The following NOTCH3 variants were observed in gnomAD, a reference collection of about 807,000 sequenced individuals.
NOTCH3 encodes notch receptor 3, also known as neurogenic locus notch homolog protein 3.
A neutral mutation model predicts 213.3 loss-of-function variants in NOTCH3; 86 were observed. That is an observed-to-expected ratio of 0.40 (90% confidence interval 0.34 to 0.48). NOTCH3 has a LOEUF of 0.48. Among genes scored for constraint, NOTCH3 ranks in the 20% least tolerant of loss-of-function variants. The pLI, the probability that NOTCH3 is intolerant of heterozygous loss-of-function variation, is 0.57. For missense variants in NOTCH3, 2,783 were observed against 3,272.6 expected (o/e 0.85, Z 3.65); for synonymous variants, 1,354 against 1,355.9 (o/e 1.00, Z 0.03).
In NOTCH3 at chr19:15,180,995, G is replaced by C. The variant is rs752995216; in HGVS notation, c.2960C>G (p.Thr987Ser). 4.3e-5 allele frequency: 69 copies of C among 1,597,996 alleles called. No individual in the cohort carries two copies. The Middle Eastern group carries it at 1.5e-3, about 34-fold the overall frequency. ...CSAAHPGFRC[T>S]CLESFTGPQC... Reference sequence around the variant, plus strand: ...CGGGCCCGTGAAGCTCTCGAGGCAGGTGCAGCGGAAGCCAGGGTGGGCGGC... The same window carrying C: ...CGGGCCCGTGAAGCTCTCGAGGCAGCTGCAGCGGAAGCCAGGGTGGGCGGC... Residue 987 changes from threonine to serine, a missense_variant, in exon 18 of 33, where the codon ACC (threonine) becomes AGC (serine). Thr to Ser is a moderately conservative substitution (Grantham distance 58, BLOSUM62 1). Around this residue, in one of 6 missense-constraint regions of NOTCH3, gnomAD observed 861 missense variants for 909.1 expected, o/e 0.95. Coordinates refer to ENST00000263388, the MANE Select transcript of NOTCH3 (RefSeq NM_000435.3).
intron 19 of NOTCH3, 82 bp from the exon 20 acceptor site, chr19:15,180,338 C>T: frequency 6.8e-7 from 1 of 1,472,350 alleles, no homozygotes; most frequent in Non-Finnish European, 9.4e-7. Context: ...CATTCAACAT[C>T]CTTGGTGGAA....
intron 23 of NOTCH3, 28 bp downstream of exon 23, chr19:15,178,795 T>G (rs369096153): frequency 1.3e-6 from 2 of 1,520,400 alleles, no homozygotes; most frequent in Non-Finnish European, 1.8e-6. Flanking sequence ...CCCCTACTCC[T>G]CCTCCAAAGG....
rs2046629975 is a variant in NOTCH3, at chr19:15,160,378, GGAGA to G, written c.*280_*283del. ...AGTGTAAGGAAATGAGAGGCCAGAA[GGAGA>G]GAGAAAGGAATGAGGGAAGAGAGAA... is the stretch of plus-strand genomic sequence containing the variant. On this transcript the variant is annotated 3_prime_UTR_variant, in exon 33 of 33. Transcript: ENST00000263388. 2.1e-6 allele frequency: 1 copy of G among 471,640 alleles called. No individual in the cohort carries two copies. Among genetic ancestry groups the G allele is most frequent in the Admixed American group, 3.7e-5 (1 of 27,074 alleles). The allele number at this position is 471,640 out of a possible 1,614,324, so 29.2% of individuals were successfully genotyped here.
At chr19:15,175,322 C>A (rs1223961777) in intron 24 of NOTCH3, among the ~76,000 whole-genome samples, 1 of 101,712 alleles carries the variant, frequency 9.8e-6, no homozygotes, top group East Asian at 3.0e-4. Context: ...AACCTGAGGT[C>A]AGGAGTTCTA....
rs915809885 is a variant in NOTCH3 at position 15,159,696 on chromosome 19, G to C, written c.*966C>G. 4.3e-6 allele frequency: 1 copy of C among 232,926 alleles called. No individual in the cohort carries two copies. Among genetic ancestry groups the C allele is most frequent in the East Asian group, 6.0e-5 (1 of 16,548 alleles). The allele number at this position is 232,926 out of a possible 1,614,324, so 14.4% of individuals were successfully genotyped here. A position where few individuals can be genotyped will look rare whatever the true frequency, so the allele number is the denominator to read the frequency against. ...TGGGGGGCTGTACAATGCAGGGCTTGGGAATTCAGCTACACAGGGATTTTG... is the reference window on the plus strand; with the variant it reads ...TGGGGGGCTGTACAATGCAGGGCTTCGGAATTCAGCTACACAGGGATTTTG... On this transcript the variant is annotated 3_prime_UTR_variant, in exon 33 of 33. Transcript: ENST00000263388.
chr19:15,160,473 TA>T lies in NOTCH3; in HGVS notation c.*188del. On this transcript the variant is annotated 3_prime_UTR_variant, in exon 33 of 33. Coordinates refer to ENST00000263388, the MANE Select transcript of NOTCH3 (RefSeq NM_000435.3). ...AGGGTGGGTGGTAGCCCCCACCCAT[TA>T]TAAATAAAGGAAGACTGAAGCCCTG... 2 of 631,086 alleles carry T rather than the reference TA, an allele frequency of 3.2e-6. No homozygotes were observed. Among genetic ancestry groups the T allele is most frequent in the South Asian group, 3.7e-5 (2 of 54,616 alleles). 39.1% of individuals were successfully genotyped at this position (631,086 alleles called of 1,614,324 possible).
chr19:15,171,083 G>C (rs1363911207), intron 25 of NOTCH3, among the ~76,000 whole-genome samples: 1 of 152,232 alleles, frequency 6.6e-6, no homozygotes, highest in Non-Finnish European at 1.5e-5. Flanking sequence ...CTGGAGTGCA[G>C]TGGTGCGATC....
intron 15 of NOTCH3, 50 bp from the exon 16 acceptor site, chr19:15,184,500 G>A (rs2046865580): frequency 1.9e-6 from 3 of 1,582,826 alleles, no homozygotes; most frequent in East Asian, 2.2e-5. Flanking sequence ...TACAGAGCAG[G>A]GTCTCAGGGA....
chr19:15,161,816 G>A, intron 32 of NOTCH3, 102 bp from the exon 33 acceptor site: 1 of 972,630 alleles, frequency 1.0e-6, no homozygotes, highest in Non-Finnish European at 1.5e-6. Context: ...TTGTACACTG[G>A]AGCTTGACAG....
intron 11 of NOTCH3, 49 bp downstream of exon 11, chr19:15,187,056 C>G (rs1414418558): frequency 9.3e-6 from 15 of 1,606,156 alleles, no homozygotes; most frequent in East Asian, 9.0e-5. Flanking sequence ...TTCCCAAACC[C>G]TCTGTGCCCC....
chr19:15,192,741 C>A (rs1249274502), intron 2 of NOTCH3, among the ~76,000 whole-genome samples: 1 of 152,136 alleles, frequency 6.6e-6, no homozygotes, highest in African/African-American at 2.4e-5. Flanking sequence ...ATGGTGTAAC[C>A]CCGTCTCTAC....
intron 15 of NOTCH3, 150 bp from the exon 16 acceptor site, chr19:15,184,600 G>A (rs1193475820): frequency 2.7e-6 from 2 of 751,078 alleles, no homozygotes; most frequent in Non-Finnish European, 4.4e-6. Context: ...TGCATATGCA[G>A]TTTCAGAATG....
Position 15,161,281 on chromosome 19 carries a change from GC to G in NOTCH3, c.6346del (p.Ala2116LeufsTer33). 6.5e-7 allele frequency: 1 copy of G among 1,538,928 alleles called. No homozygotes were observed. Among genetic ancestry groups the G allele is most frequent in the Non-Finnish European group, 8.7e-7 (1 of 1,145,182 alleles). On this transcript the variant is annotated frameshift_variant, in exon 33 of 33. Coordinates refer to ENST00000263388, the MANE Select transcript of NOTCH3 (RefSeq NM_000435.3). LOFTEE classifies it low-confidence loss of function (END_TRUNC). ...DSPRPFGGPP[A>X]SPGGFPLEGP... Reference sequence around the variant, plus strand: ...CTCAAGGGGGAAGCCACCAGGGGAAGCAGGGGGCCCACCGAAAGGCCGCGGG... The same window carrying G: ...CTCAAGGGGGAAGCCACCAGGGGAAGAGGGGGCCCACCGAAAGGCCGCGGG...
In NOTCH3 at chr19:15,161,580, C is replaced by T. The variant is rs746283851; in HGVS notation, c.6048G>A (p.Leu2016=). 4 of 1,611,184 alleles carry T rather than the reference C, an allele frequency of 2.5e-6. No individual in the cohort carries two copies. Among genetic ancestry groups the T allele is most frequent in the South Asian group, 2.2e-5 (2 of 90,406 alleles). ...RLPRDVAQER[L]HQDIVRLLDQ... is the part of the protein sequence containing the mutation. ...CCAGCAAGCGCACGATGTCCTGGTG[C>T]AGTCTCTCCTGGGCTACGTCCCGCG... The change falls in exon 33 of 33, where the codon CTG becomes CTA. Residue 2016 remains leucine, a synonymous_variant. Transcript: ENST00000263388.
chr19:15,178,096 G>C lies in NOTCH3; in HGVS notation c.3838-6C>G, dbSNP rs2046807905. ...CAACGCGGACCCCAGAACGGCTGGG[G>C]GTCGGGTTTGGGGAGGGAGGGATAA... is the stretch of plus-strand genomic sequence containing the variant. On this transcript the variant is annotated splice_region_variant and splice_polypyrimidine_tract_variant and intron_variant, in intron 23 of 32. Transcript: ENST00000263388. 2 of 1,518,288 alleles carry C rather than the reference G, an allele frequency of 1.3e-6. No individual in the cohort carries two copies. Among genetic ancestry groups the C allele is most frequent in the South Asian group, 1.2e-5 (1 of 83,244 alleles). The allele number at this position is 1,518,288 out of a possible 1,614,324, so 94.1% of individuals were successfully genotyped here. A position where few individuals can be genotyped will look rare whatever the true frequency, so the allele number is the denominator to read the frequency against.
Position 15,179,229 on chromosome 19 carries a change from A to C in NOTCH3, c.3514T>G (p.Ser1172Ala). The C allele has an allele frequency of 6.2e-7, 1 of 1,614,010 alleles. No individual in the cohort carries two copies. The highest frequency in any genetic ancestry group is 1.1e-5 in the South Asian group (1 of 91,084). ...CCATTGTGTAGGCACCGGGGCCCTGAGTCCAGCGGTGGGCCTGGGCCGCAG... is the reference window on the plus strand; with the variant it reads ...CCATTGTGTAGGCACCGGGGCCCTGCGTCCAGCGGTGGGCCTGGGCCGCAG... ...DDCGPGPPLD[S>A]GPRCLHNGTC... Residue 1172 changes from serine to alanine, a missense_variant, in exon 22 of 33, where the codon TCA becomes GCA. Ser to Ala is a moderately conservative substitution (Grantham distance 99). Transcript: ENST00000263388.
chr19:15,161,981 TC>T (rs1599360790), intron 32 of NOTCH3, among the ~76,000 whole-genome samples: 1 of 89,668 alleles, frequency 1.1e-5, no homozygotes, highest in Admixed American at 1.2e-4. Context: ...TTTTTTCTTG[TC>T]TTTTTTTTTT....
intron 29 of NOTCH3, among the ~76,000 whole-genome samples, chr19:15,166,947 A>C (rs1237162169): frequency 3.6e-5 from 1 of 27,558 alleles, no homozygotes; most frequent in Non-Finnish European, 7.7e-5. Flanking sequence ...ATGCATCCTG[A>C]GACTTTTCTG....
chr19:15,175,301 G>GGC, intron 24 of NOTCH3, among the ~76,000 whole-genome samples: 1 of 133,564 alleles, frequency 7.5e-6, no homozygotes, highest in Admixed American at 7.2e-5. Flanking sequence ...GGGAGGCCAA[G>GGC]GTGTACGGAT....
Sources: gnomAD v4.1 joint callset for allele counts (sites outside exome capture counted in the v4.1 genomes callset) on GRCh38, gnomAD v4.1.1 for gene constraint, gnomAD v4.1.1 regional missense constraint, MANE v1.5 for transcripts, NCBI Gene and HGNC (gene_info 2026-07-23, HGNC 2026-07-21) for gene names.